Variants in CSNK1D observed in about 807,000 individuals in gnomAD.
The protein encoded by CSNK1D is casein kinase 1 delta, also known as casein kinase I isoform delta.
Under a neutral mutation model 46.6 loss-of-function variants are expected in CSNK1D, and 16 were observed. The ratio of observed to expected loss-of-function variants is 0.34; its 90% confidence interval spans 0.23 to 0.52. CSNK1D has a LOEUF of 0.52. CSNK1D is among the 20% of genes least tolerant of loss of function. CSNK1D has a pLI of 0.95. For missense variants in CSNK1D, 398 were observed against 578.4 expected (o/e 0.69, Z 3.20); for synonymous variants, 276 against 228.2 (o/e 1.21, Z -1.89).
At chr17:82,267,143 G>A (rs1301344665) in intron 1 of CSNK1D, 4 of 151,414 alleles carry the variant, frequency 2.6e-5, no homozygotes, top group African/African-American at 9.7e-5. Flanking sequence ...AGCTTCAGCA[G>A]CCCAGACAAA....
chr17:82,257,313 G>A (rs1012404760), intron 2 of CSNK1D, among the ~76,000 whole-genome samples: 4 of 151,886 alleles, frequency 2.6e-5, no homozygotes, highest in African/African-American at 7.3e-5. Context: ...TTTTCTTCTG[G>A]AGTTTCTTGA....
chr17:82,273,224 A>G lies in CSNK1D; in HGVS notation c.76+82T>C. Reference sequence around the variant, plus strand: ...GCGCGGAGACCCCGCGGGGGCCACCACTTCCTTCCGCGATCGCGCTTGGTC... The same window carrying G: ...GCGCGGAGACCCCGCGGGGGCCACCGCTTCCTTCCGCGATCGCGCTTGGTC... On this transcript the variant is annotated intron_variant, in intron 1 of 8. Coordinates refer to ENST00000314028, the MANE Select transcript of CSNK1D (RefSeq NM_001893.6). This position sits in a 1 kb window ranked among gnomAD's most constrained non-coding sequence, Gnocchi z 5.1. 1 of 1,392,484 alleles carries G rather than the reference A, an allele frequency of 7.2e-7. No homozygotes were observed. The highest frequency in any genetic ancestry group is 9.8e-7 in the Non-Finnish European group (1 of 1,016,568). 86.3% of individuals were successfully genotyped at this position (1,392,484 alleles called of 1,614,324 possible). A position where few individuals can be genotyped will look rare whatever the true frequency, so the allele number is the denominator to read the frequency against.
At position 82,252,977 on chromosome 17, in the gene CSNK1D, A is replaced by C. The variant is rs1270198509; in HGVS notation, c.565+39T>G. The C allele has an allele frequency of 1.9e-6, 3 of 1,587,252 alleles. No individual in the cohort carries two copies. Among genetic ancestry groups the C allele is most frequent in the Non-Finnish European group, 2.6e-6 (3 of 1,156,530 alleles). On this transcript the variant is annotated intron_variant, in intron 4 of 8. Transcript: ENST00000314028. The surrounding 1 kb of genome is among the most constrained non-coding windows in gnomAD (Gnocchi z 4.6). Reference sequence around the variant, plus strand: ...TGGGCTGAGGCATGGACGCGCCCAAAGGCACCCCAGGTCAGTGACCCCATG... The same window carrying C: ...TGGGCTGAGGCATGGACGCGCCCAACGGCACCCCAGGTCAGTGACCCCATG...
rs774136610 is a variant in CSNK1D, at chr17:82,244,782, C to T, written c.1247G>A (p.Ter416=). Residue 416 remains the stop codon, a stop_retained_variant, in exon 9 of 9, where the codon TGA becomes TAA. Coordinates refer to ENST00000314028, the MANE Select transcript of CSNK1D (RefSeq NM_001893.6). ...CCTTCACAGCAATAAGGAGAGTTCTCATCGGTGCACGACAGACTGAAGACC... is the reference window on the plus strand; with the variant it reads ...CCTTCACAGCAATAAGGAGAGTTCTTATCGGTGCACGACAGACTGAAGACC... ...SSGLQSVVHR[*] is the part of the protein sequence containing the mutation. 1.2e-6 allele frequency: 2 copies of T among 1,614,030 alleles called. No individual in the cohort carries two copies. The highest frequency in any genetic ancestry group is 1.1e-5 in the South Asian group (1 of 91,086).
At chr17:82,246,108 T>C (rs964502838) in intron 8 of CSNK1D, 5 of 1,560,360 alleles carry the variant, frequency 3.2e-6, no homozygotes, top group East Asian at 2.4e-5. Context: ...GTCGGCTCCA[T>C]GTCCAGATGG....
chr17:82,257,689 C>T (rs2051208761), intron 2 of CSNK1D, among the ~76,000 whole-genome samples: 1 of 152,076 alleles, frequency 6.6e-6, no homozygotes, highest in Non-Finnish European at 1.5e-5. Flanking sequence ...GGAGCATAAG[C>T]ACAAACGCCA....
In CSNK1D at chr17:82,243,266, A is replaced by T. The variant is rs968933642; in HGVS notation, c.*1515T>A. 1 of 985,466 alleles carries T rather than the reference A, an allele frequency of 1.0e-6. No individual in the cohort carries two copies. 61.0% of individuals were successfully genotyped at this position (985,466 alleles called of 1,614,324 possible). A position where few individuals can be genotyped will look rare whatever the true frequency, so the allele number is the denominator to read the frequency against. ...GGGAACTCTGGGGAGGAGAAGGGAG[A>T]ACCAAGGTGCACACCTTCGAAGCCC... On this transcript the variant is annotated 3_prime_UTR_variant, in exon 9 of 9. Transcript: ENST00000314028.
intron 1 of CSNK1D, among the ~76,000 whole-genome samples, chr17:82,270,806 TG>T (rs1169139305): frequency 6.6e-6 from 1 of 151,950 alleles, no homozygotes; most frequent in African/African-American, 2.4e-5. Context: ...TGTACCCTGA[TG>T]GGTGGCTGTC....
chr17:82,240,384 C>T (rs1486603548), downstream of CSNK1D, among the ~76,000 whole-genome samples: 1 of 152,216 alleles, frequency 6.6e-6, no homozygotes, highest in Admixed American at 6.5e-5. Context: ...GGACACATGG[C>T]CTTCCCCCGC....
In CSNK1D at chr17:82,244,568, G is replaced by GT; in HGVS notation, c.*212dup. The GT allele has an allele frequency of 6.7e-7, 1 of 1,488,492 alleles. No individual in the cohort carries two copies. The highest frequency in any genetic ancestry group is 8.9e-7 in the Non-Finnish European group (1 of 1,119,474). The allele number at this position is 1,488,492 out of a possible 1,614,324, so 92.2% of individuals were successfully genotyped here. Reference sequence around the variant, plus strand: ...CCAGCCCCGTTACAACCGAGTTCACGTGGGGGGCCGCAGTGCAGCCCCAGC... The same window carrying GT: ...CCAGCCCCGTTACAACCGAGTTCACGTTGGGGGGCCGCAGTGCAGCCCCAGC... On this transcript the variant is annotated 3_prime_UTR_variant, in exon 9 of 9. Transcript: ENST00000314028.
chr17:82,257,427 G>A (rs562359764), intron 2 of CSNK1D, among the ~76,000 whole-genome samples: 2 of 152,144 alleles, frequency 1.3e-5, no homozygotes, highest in African/African-American at 4.8e-5. Context: ...GTCAAAAAGA[G>A]ATGCTATTGT....
chr17:82,252,039 G>T lies in CSNK1D; in HGVS notation c.736+395C>A, dbSNP rs181932004. Among the ~76,000 whole-genome samples, 2 of 152,238 alleles carry T rather than the reference G, an allele frequency of 1.3e-5. No homozygotes were observed. Among genetic ancestry groups the T allele is most frequent in the East Asian group, 3.9e-4 (2 of 5,184 alleles). On this transcript the variant is annotated intron_variant, in intron 5 of 8. Transcript: ENST00000314028. This position sits in a 1 kb window ranked among gnomAD's most constrained non-coding sequence, Gnocchi z 4.6. Reference sequence around the variant, plus strand: ...AAAGCACAATTTAGTTTCATTTGAGGTGTGTATCCTGGGGCAATCCTACAA... The same window carrying T: ...AAAGCACAATTTAGTTTCATTTGAGTTGTGTATCCTGGGGCAATCCTACAA...
At chr17:82,270,795 G>A (rs974017724) in intron 1 of CSNK1D, among the ~76,000 whole-genome samples, 5 of 152,238 alleles carry the variant, frequency 3.3e-5, no homozygotes, top group South Asian at 2.1e-4. Context: ...GTAACTGGAC[G>A]TGTACCCTGA....
intron 8 of CSNK1D, chr17:82,246,697 CCACCCATCCA>C (rs1327464580): frequency 1.0e-6 from 1 of 994,474 alleles, no homozygotes; most frequent in Admixed American, 5.4e-5. Context: ...ACGTGGTCTT[CCACCCATCCA>C]CACCCAGCCA....
In CSNK1D at chr17:82,273,166, G is replaced by A. The variant is rs1599630056; in HGVS notation, c.76+140C>T. On this transcript the variant is annotated intron_variant, in intron 1 of 8. Transcript: ENST00000314028. The surrounding 1 kb of genome is among the most constrained non-coding windows in gnomAD (Gnocchi z 5.1). ...GGCCGCGCTAGCCTAGTGGCCGTTG[G>A]GTTCTGGCCACGATCCGGCGGTGCC... is the stretch of plus-strand genomic sequence containing the variant. The A allele has an allele frequency of 2.6e-5, 23 of 869,000 alleles. No individual in the cohort carries two copies. In the East Asian group the frequency reaches 6.3e-4, roughly 24 times the overall value. 53.8% of individuals were successfully genotyped at this position (869,000 alleles called of 1,614,324 possible). A position where few individuals can be genotyped will look rare whatever the true frequency, so the allele number is the denominator to read the frequency against.
In CSNK1D at chr17:82,249,730, C is replaced by A. The variant is rs191175847; in HGVS notation, c.886-128G>T. On this transcript the variant is annotated intron_variant, in intron 6 of 8. Transcript: ENST00000314028. This position sits in a 1 kb window ranked among gnomAD's most constrained non-coding sequence, Gnocchi z 6.7. Reference sequence around the variant, plus strand: ...CACTGGGACGAGACTGCCTGCAAAGCCCCCCACAGGCTGCACGTTTCTCCT... The same window carrying A: ...CACTGGGACGAGACTGCCTGCAAAGACCCCCACAGGCTGCACGTTTCTCCT... 2.3e-3 allele frequency: 3,450 copies of A among 1,512,492 alleles called. 42 individuals carry two copies. The South Asian group carries it at 0.024, about 11-fold the overall frequency. 93.7% of individuals were successfully genotyped at this position (1,512,492 alleles called of 1,614,324 possible).
Position 82,249,484 on chromosome 17 carries a change from C to T in CSNK1D, c.1004G>A (p.Arg335Gln), listed in dbSNP as rs1322411760. ...GLPSTASGRL[R>Q]GTQEVAPPTP... ...GGGGGGAGCCACTTCCTGCGTCCCC[C>T]GCAGGCGGCCGGAGGCTGTGGAAGG... Residue 335 changes from arginine to glutamine, a missense_variant, in exon 7 of 9, where the codon CGG becomes CAG. Arg to Gln is a conservative substitution (Grantham distance 43). Coordinates refer to ENST00000314028, the MANE Select transcript of CSNK1D (RefSeq NM_001893.6). This position sits in a 1 kb window ranked among gnomAD's most constrained non-coding sequence, Gnocchi z 6.7. 15 of 1,542,394 alleles carry T rather than the reference C, an allele frequency of 9.7e-6. No homozygotes were observed. The highest frequency in any genetic ancestry group is 2.4e-5 in the South Asian group (2 of 83,978).
At chr17:82,246,280 A>T (rs2050848379) in intron 8 of CSNK1D, 1 of 1,420,454 alleles carries the variant, frequency 7.0e-7, no homozygotes, top group Non-Finnish European at 9.2e-7. Context: ...ATGGCATGGG[A>T]CAGGCCCTCC....
At chr17:82,239,114 C>G (rs1037651535), downstream of CSNK1D, 1 of 838,766 alleles carries the variant, frequency 1.2e-6, no homozygotes. Context: ...GTCGCCCGAT[C>G]AGTGTTTTGA....
Sources: allele counts gnomAD v4.1 joint callset (sites outside exome capture counted in the v4.1 genomes callset), GRCh38; gene constraint gnomAD v4.1.1; non-coding constraint Gnocchi (gnomAD v3.1); transcripts MANE v1.5; gene names NCBI Gene and HGNC (gene_info 2026-07-23, HGNC 2026-07-21).